The following MEI1 variants were observed in gnomAD, a reference collection of about 807,000 sequenced individuals.
MEI1 encodes meiosis inhibitor protein 1.
A neutral mutation model predicts 146.2 loss-of-function variants in MEI1; 103 were observed. The ratio of observed to expected loss-of-function variants is 0.70; its 90% confidence interval spans 0.60 to 0.83. The LOEUF (loss-of-function observed/expected upper bound fraction) is 0.83, where lower values mean the gene tolerates loss of function less well. Among genes scored for constraint, MEI1 ranks in the 40% least tolerant of loss-of-function variants. The pLI is 0.00. For synonymous variants in MEI1, 652 were observed against 628.2 expected (o/e 1.04, Z -0.57); for missense variants, 1,529 against 1,533.0 (o/e 1.00, Z 0.04).
intron 26 of MEI1, among the ~76,000 whole-genome samples, chr22:41,785,227 G>A (rs113727394): frequency 0.066 from 9,746 of 147,714 alleles, 1,012 homozygotes; most frequent in African/African-American, 0.23. Context: ...GAGCCACCGC[G>A]CCTGGCATTT....
intron 16 of MEI1, 50 bp from the exon 17 acceptor site, chr22:41,753,899 G>C (rs769110283): frequency 3.0e-6 from 4 of 1,338,678 alleles, no homozygotes; most frequent in Non-Finnish European, 4.3e-6. Context: ...TGCTCTCCCA[G>C]CCAAAGTAGC....
At chr22:41,725,791 C>T (rs907541832) in intron 7 of MEI1, among the ~76,000 whole-genome samples, 3 of 152,192 alleles carry the variant, frequency 2.0e-5, no homozygotes, top group East Asian at 1.9e-4. Context: ...CCACTGTCAC[C>T]GTGCTTACCT....
chr22:41,794,897 T>C (rs1264268626), intron 28 of MEI1, among the ~76,000 whole-genome samples: 1 of 152,120 alleles, frequency 6.6e-6, no homozygotes, highest in African/African-American at 2.4e-5. Context: ...GCCCCTTGAA[T>C]AAATAACAAA....
At chr22:41,734,834 G>A (rs936103969) in intron 11 of MEI1, among the ~76,000 whole-genome samples, 12 of 151,302 alleles carry the variant, frequency 7.9e-5, no homozygotes, top group African/African-American at 2.7e-4. Flanking sequence ...ATGGGGTTTC[G>A]CCACGTTGGC....
rs113760609 is a variant in MEI1, at chr22:41,699,721, G to A, written c.174+9G>A. 0.013 allele frequency: 20,275 copies of A among 1,551,402 alleles called. 2,136 individuals carry two copies. The African/African-American group carries it at 0.24, about 18-fold the overall frequency. On this transcript the variant is annotated intron_variant, in intron 1 of 30. Transcript: ENST00000401548. ...CGGACCCCGGCGTGTCGGTGCGGGC[G>A]GAACCTTTTCTTCAGAAGACCTGGG... is the stretch of plus-strand genomic sequence containing the variant.
chr22:41,722,274 A>G (rs1453098784), intron 6 of MEI1: 1 of 151,472 alleles, frequency 6.6e-6, no homozygotes, highest in Non-Finnish European at 1.5e-5. Context: ...TTACAACCCA[A>G]GATCCTCATA....
Position 41,745,920 on chromosome 22 carries a change from A to G in MEI1, c.1574A>G (p.Gln525Arg), listed in dbSNP as rs763835488. The G allele has an allele frequency of 9.3e-6, 15 of 1,613,528 alleles. No homozygotes were observed. The highest frequency in any genetic ancestry group is 1.3e-5 in the Non-Finnish European group (15 of 1,179,544). The change falls in exon 14 of 31, where the codon CAG becomes CGG. Residue 525 changes from glutamine (Q) to arginine (R), a missense_variant. Coordinates refer to ENST00000401548, the MANE Select transcript of MEI1 (RefSeq NM_152513.4). ...AIEFQSEPSA[Q>R]ENPFTAPSAK... ...GAATTCCAGAGTGAGCCTTCAGCCC[A>G]GGAGAATCCATTCACAGCTCCCAGC...
At position 41,776,098 on chromosome 22, in the gene MEI1, T is replaced by G. The variant is rs1488302928; in HGVS notation, c.2545-4T>G. ...GATCTCTGGCTTTCTTCTCTCCTGCTCAGGACCTCATCTATTCCAGCCCAG... is the reference window on the plus strand; with the variant it reads ...GATCTCTGGCTTTCTTCTCTCCTGCGCAGGACCTCATCTATTCCAGCCCAG... On this transcript the variant is annotated splice_polypyrimidine_tract_variant and splice_region_variant and intron_variant, in intron 20 of 30. Transcript: ENST00000401548. 1 of 1,613,862 alleles carries G rather than the reference T, an allele frequency of 6.2e-7. No homozygotes were observed. The highest frequency in any genetic ancestry group is 2.2e-5 in the East Asian group (1 of 44,878).
At chr22:41,749,635 C>T (rs761668929) in intron 15 of MEI1, among the ~76,000 whole-genome samples, 2 of 152,140 alleles carry the variant, frequency 1.3e-5, no homozygotes, top group Non-Finnish European at 1.5e-5. Flanking sequence ...GTAACATGTT[C>T]AGATTTCTGT....
rs2070391494 is a variant in MEI1 at position 41,718,225 on chromosome 22, T to C, written c.684T>C (p.Leu228=). Residue 228 remains leucine (L), a synonymous_variant, in exon 6 of 31, where the codon CTT becomes CTC. Transcript: ENST00000401548. ...HFREKLFPLF[L]SILDGAQTKE... is the part of the protein sequence containing the mutation. Reference sequence around the variant, plus strand: ...GTGAGAAGCTTTTTCCCCTCTTCCTTTCCATCCTGGATGGTGCCCAGACAA... The same window carrying C: ...GTGAGAAGCTTTTTCCCCTCTTCCTCTCCATCCTGGATGGTGCCCAGACAA... The C allele has an allele frequency of 6.2e-7, 1 of 1,613,838 alleles. No individual in the cohort carries two copies. The highest frequency in any genetic ancestry group is 1.3e-5 in the African/African-American group (1 of 74,920).
chr22:41,714,283 T>C (rs2069887182), intron 4 of MEI1, among the ~76,000 whole-genome samples: 1 of 152,122 alleles, frequency 6.6e-6, no homozygotes, highest in African/African-American at 2.4e-5. Context: ...CCCCTTTCAA[T>C]CTCCCAAATG....
intron 30 of MEI1, 91 bp from the exon 31 acceptor site, chr22:41,799,163 A>C: frequency 8.1e-7 from 1 of 1,234,334 alleles, no homozygotes; most frequent in Non-Finnish European, 1.2e-6. Flanking sequence ...TTCTTGCCTG[A>C]CCATTCTTGA....
intron 23 of MEI1, 97 bp downstream of exon 23, chr22:41,781,491 T>G: frequency 5.8e-6 from 7 of 1,206,888 alleles, no homozygotes; most frequent in Non-Finnish European, 8.3e-6. Flanking sequence ...TAGGGTTGTG[T>G]GTGTGGCTGG....
intron 17 of MEI1, among the ~76,000 whole-genome samples, chr22:41,755,025 C>G (rs979209919): frequency 1.3e-5 from 2 of 152,116 alleles, no homozygotes; most frequent in Admixed American, 6.6e-5. Flanking sequence ...AGAATCTAGG[C>G]AGGAGGAACA....
chr22:41,710,608 C>G (rs1196974720), intron 3 of MEI1, among the ~76,000 whole-genome samples: 5 of 152,156 alleles, frequency 3.3e-5, no homozygotes, highest in African/African-American at 1.2e-4. Context: ...GTGGTTCCAG[C>G]TGATAGAGTA....
intron 3 of MEI1, among the ~76,000 whole-genome samples, chr22:41,713,294 C>T (rs1389670374): frequency 6.6e-6 from 1 of 152,070 alleles, no homozygotes; most frequent in African/African-American, 2.4e-5. Context: ...AGTACAGACC[C>T]TGTCCCTACA....
At chr22:41,714,191 G>T in intron 4 of MEI1, 116 bp downstream of exon 4, 1 of 966,606 alleles carries the variant, frequency 1.0e-6, no homozygotes, top group Non-Finnish European at 1.6e-6. Flanking sequence ...GCTTTCCTGA[G>T]GTCACTGAGT....
intron 26 of MEI1, among the ~76,000 whole-genome samples, chr22:41,788,195 A>G (rs937373269): frequency 2.6e-5 from 4 of 151,786 alleles, no homozygotes; most frequent in African/African-American, 4.8e-5. Flanking sequence ...ATGCCTGGCT[A>G]ATTTTGTATT....
chr22:41,713,833 C>A (rs1011208998), intron 3 of MEI1, among the ~76,000 whole-genome samples, 169 bp from the exon 4 acceptor site: 44 of 152,196 alleles, frequency 2.9e-4, no homozygotes, highest in African/African-American at 1.1e-3. Flanking sequence ...CAGATGTGAG[C>A]CACTGTGCCT....
Sources: allele counts gnomAD v4.1 joint callset (sites outside exome capture counted in the v4.1 genomes callset), GRCh38; gene constraint gnomAD v4.1.1; transcripts MANE v1.5; gene names NCBI Gene and HGNC (gene_info 2026-07-23, HGNC 2026-07-21).